The following SH3GLB2 variants were observed in gnomAD, a reference collection of about 807,000 sequenced individuals.
The protein encoded by SH3GLB2 is endophilin-B2.
In SH3GLB2, 24 loss-of-function variants were observed where a neutral mutation model predicts 48.0. The ratio of observed to expected loss-of-function variants is 0.50; its 90% CI spans 0.36 to 0.70. SH3GLB2 has a LOEUF of 0.70. SH3GLB2 is among the 30% of genes least tolerant of loss of function. The pLI, the probability that SH3GLB2 is intolerant of heterozygous loss-of-function variation, is 0.00. For missense variants in SH3GLB2, 425 were observed against 516.0 expected (o/e 0.82, Z 1.71); for synonymous variants, 227 against 207.6 (o/e 1.09, Z -0.80).
In SH3GLB2 at chr9:129,008,704, A is replaced by G. The variant is rs1842906160; in HGVS notation, c.1168T>C (p.Tyr390His). 1.2e-6 allele frequency: 2 copies of G among 1,613,962 alleles called. No homozygotes were observed. Among genetic ancestry groups the G allele is most frequent in the South Asian group, 1.1e-5 (1 of 91,088 alleles). Residue 390 changes from tyrosine to histidine, a missense_variant, in exon 11 of 11, where the codon TAC (tyrosine) becomes CAC (histidine). Coordinates refer to ENST00000372564, the MANE Select transcript of SH3GLB2 (RefSeq NM_020145.4). ...CCTGCCTAGCTGAGCAGTTCCAAGT[A>G]GGTGACAGGGACCTTGCCCTTCTTG... ...GNKKGKVPVT[Y>H]LELLS
chr9:129,018,519 G>A (rs1168790977), intron 3 of SH3GLB2, among the ~76,000 whole-genome samples: 2 of 151,462 alleles, frequency 1.3e-5, no homozygotes, highest in Non-Finnish European at 2.9e-5. Context: ...GGAGGTTGCA[G>A]TGAGCCAAGA....
chr9:129,014,788 C>A lies in SH3GLB2; in HGVS notation c.451G>T (p.Asp151Tyr), dbSNP rs755403049. Residue 151 changes from aspartate to tyrosine, a missense_variant, in exon 4 of 11, where the codon GAC (aspartate) becomes TAC (tyrosine). Coordinates refer to ENST00000372564, the MANE Select transcript of SH3GLB2 (RefSeq NM_020145.4). This position sits in a 1 kb window ranked among gnomAD's most constrained non-coding sequence, Gnocchi z 4.1. ...LTPLRNFLEGDWKTISKERRL... is the reference protein window; with the variant it reads ...LTPLRNFLEGYWKTISKERRL... The stretch of plus-strand genomic sequence containing the variant: ...GCCCTCACCGAGATGGTCTTCCAGT[C>A]CCCCTCCAGGAAGTTGCGCAAGGGT... The A allele has an allele frequency of 6.2e-7, 1 of 1,613,494 alleles. No individual in the cohort carries two copies.
At position 129,012,890 on chromosome 9, in the gene SH3GLB2, C is replaced by T. The variant is rs369348456; in HGVS notation, c.562-592G>A. On this transcript the variant is annotated intron_variant, in intron 5 of 10. Transcript: ENST00000372564. ...AGGCCCTGCACAGTAGAGGCTCTGG[C>T]GGGGAGACCAGCTGCTTGCAAAATG... The T allele has an allele frequency of 1.0e-4, 133 of 1,313,920 alleles. No homozygotes were observed. The African/African-American group carries it at 1.3e-3, about 13-fold the overall frequency. The allele number at this position is 1,313,920 out of a possible 1,614,324, so 81.4% of individuals were successfully genotyped here.
intron 1 of SH3GLB2, among the ~76,000 whole-genome samples, chr9:129,025,545 G>C (rs977883512): frequency 7.1e-6 from 1 of 140,706 alleles, no homozygotes; most frequent in South Asian, 2.2e-4. Flanking sequence ...CAGCCTCGGC[G>C]ACAGGATGAG....
At chr9:129,010,811 C>T (rs906603526) in intron 6 of SH3GLB2, 118 bp from the exon 7 acceptor site, 4 of 1,275,692 alleles carry the variant, frequency 3.1e-6, no homozygotes, top group African/African-American at 1.5e-5. Context: ...GCCCCTCTGC[C>T]CCCCCTCCCA....
chr9:129,009,551 A>G, intron 9 of SH3GLB2: 2 of 1,546,822 alleles, frequency 1.3e-6, no homozygotes, highest in South Asian at 2.4e-5. Flanking sequence ...CCACCCAGGC[A>G]TTCCCTAGAA....
intron 3 of SH3GLB2, among the ~76,000 whole-genome samples, chr9:129,017,545 C>T (rs1224429726): frequency 1.3e-5 from 2 of 151,950 alleles, no homozygotes; most frequent in Non-Finnish European, 2.9e-5. Context: ...AGGCGGATCA[C>T]TTGAGATCAG....
intron 3 of SH3GLB2, among the ~76,000 whole-genome samples, chr9:129,016,929 T>G (rs1303908554): frequency 5.3e-5 from 8 of 150,676 alleles, no homozygotes; most frequent in Non-Finnish European, 7.4e-5. Flanking sequence ...ACAGTAATAG[T>G]TGGAAACTTG....
At chr9:129,012,455 C>T in intron 5 of SH3GLB2, 157 bp from the exon 6 acceptor site, 2 of 420,134 alleles carry the variant, frequency 4.8e-6, no homozygotes, top group Non-Finnish European at 8.2e-6. Context: ...CTTCTCCCGA[C>T]TCCAACCACC....
intron 1 of SH3GLB2, 85 bp from the exon 2 acceptor site, chr9:129,022,508 C>A: frequency 1.5e-6 from 2 of 1,291,278 alleles, no homozygotes; most frequent in East Asian, 2.4e-5. Flanking sequence ...AGGACTGCCC[C>A]TCCCCACCAG....
Position 129,010,186 on chromosome 9 carries a change from G to A in SH3GLB2, c.672C>T (p.Ala224=), listed in dbSNP as rs748033874. 3.1e-6 allele frequency: 5 copies of A among 1,613,922 alleles called. No homozygotes were observed. The Middle Eastern group carries it at 5.0e-4, about 160-fold the overall frequency. ...CTGCTTGCCGGTCAAACTCTGTCTG[G>A]GCCACGCGGAGCTCCTGCTCGGCCT... ...VDKAEQELRV[A]QTEFDRQAEV... Residue 224 remains alanine (A), a synonymous_variant, in exon 8 of 11, where the codon GCC becomes GCT. Transcript: ENST00000372564.
chr9:129,009,624 T>C (rs937491087), intron 9 of SH3GLB2, 147 bp downstream of exon 9: 12 of 1,365,084 alleles, frequency 8.8e-6, no homozygotes, highest in African/African-American at 5.8e-5. Context: ...CTCATACACA[T>C]GAGATGCCCG....
intron 3 of SH3GLB2, among the ~76,000 whole-genome samples, chr9:129,016,953 T>C (rs895646019): frequency 2.9e-5 from 2 of 67,822 alleles, no homozygotes; most frequent in Admixed American, 2.1e-4. Context: ...ACTCTGCTCT[T>C]TTTTTTTTTT....
chr9:129,008,794 G>A lies in SH3GLB2; in HGVS notation c.1081-3C>T. 1 of 1,613,266 alleles carries A rather than the reference G, an allele frequency of 6.2e-7. No homozygotes were observed. Among genetic ancestry groups the A allele is most frequent in the Non-Finnish European group, 8.5e-7 (1 of 1,179,390 alleles). On this transcript the variant is annotated splice_polypyrimidine_tract_variant and splice_region_variant and intron_variant, in intron 10 of 10. Transcript: ENST00000372564. Reference sequence around the variant, plus strand: ...GGCAGGCTGTAGACAGTGATGAGCTGCAGAGATGGCAGTAGAGGACGGTCA... The same window carrying A: ...GGCAGGCTGTAGACAGTGATGAGCTACAGAGATGGCAGTAGAGGACGGTCA...
chr9:129,010,770 C>G (rs534722156), intron 6 of SH3GLB2, 77 bp from the exon 7 acceptor site: 4 of 1,569,158 alleles, frequency 2.5e-6, no homozygotes, highest in South Asian at 2.2e-5. Context: ...TGTGCCCTGC[C>G]CCAGCTCCCA....
rs866610731 is a variant in SH3GLB2, at chr9:129,028,251, G to C, written c.-97C>G. On this transcript the variant is annotated 5_prime_UTR_variant, in exon 1 of 11. Coordinates refer to ENST00000372564, the MANE Select transcript of SH3GLB2 (RefSeq NM_020145.4). ...CCGCACCCCGCCCACCTGCTGCGGG[G>C]CACCAGCCCTCCGCGCACCCGCCTG... 27,333 of 827,736 alleles carry C rather than the reference G, an allele frequency of 0.033. 1,210 individuals are homozygous for C. Among genetic ancestry groups the C allele is most frequent in the East Asian group, 0.19 (1,762 of 9,248 alleles). The allele number at this position is 827,736 out of a possible 1,614,324, so 51.3% of individuals were successfully genotyped here. A position where few individuals can be genotyped will look rare whatever the true frequency, so the allele number is the denominator to read the frequency against.
rs1293383778 is a variant in SH3GLB2, at chr9:129,011,987, C to T, written c.624+249G>A. The T allele has an allele frequency of 5.4e-5, 21 of 387,528 alleles. No individual in the cohort carries two copies. 24.0% of individuals were successfully genotyped at this position (387,528 alleles called of 1,614,324 possible). A position where few individuals can be genotyped will look rare whatever the true frequency, so the allele number is the denominator to read the frequency against. On this transcript the variant is annotated intron_variant, in intron 6 of 10. Coordinates refer to ENST00000372564, the MANE Select transcript of SH3GLB2 (RefSeq NM_020145.4). This position sits in a 1 kb window ranked among gnomAD's most constrained non-coding sequence, Gnocchi z 4.5. ...CTCCACACTACTCAGTGTGGCTGGC[C>T]CTGCCGCCAGCTCCAGCGTTTTGCA...
intron 1 of SH3GLB2, among the ~76,000 whole-genome samples, chr9:129,024,154 G>A (rs957199274): frequency 1.3e-5 from 2 of 151,410 alleles, no homozygotes; most frequent in African/African-American, 4.9e-5. Context: ...AGGTGCAGTG[G>A]CTCATGCCTA....
At chr9:129,022,773 ACT>A (rs1460277610) in intron 1 of SH3GLB2, among the ~76,000 whole-genome samples, 1 of 152,106 alleles carries the variant, frequency 6.6e-6, no homozygotes, top group Non-Finnish European at 1.5e-5. Context: ...TTTGAGTCTG[ACT>A]CTGAAGGAGA....
Sources: gnomAD v4.1 joint callset for allele counts (sites outside exome capture counted in the v4.1 genomes callset) on GRCh38, gnomAD v4.1.1 for gene constraint, Gnocchi (gnomAD v3.1) non-coding constraint, MANE v1.5 for transcripts, NCBI Gene and HGNC (gene_info 2026-07-23, HGNC 2026-07-21) for gene names.